Variants in SCAPER observed in about 807,000 individuals in gnomAD.
The protein encoded by SCAPER is S phase cyclin A-associated protein in the endoplasmic reticulum.
Under a neutral mutation model 182.2 loss-of-function variants are expected in SCAPER, and 98 were observed. The ratio of observed to expected loss-of-function variants is 0.54; its 90% CI spans 0.46 to 0.64. SCAPER has a LOEUF of 0.64. Ranked by LOEUF, SCAPER falls within the 30% of genes least tolerant of loss-of-function variation. The probability of loss-of-function intolerance (pLI) is 0.00; values close to 1 mark genes in which losing one functional copy is unlikely to be tolerated. For missense variants in SCAPER, 1,432 were observed against 1,690.0 expected (o/e 0.85, Z 2.68); for synonymous variants, 605 against 564.6 (o/e 1.07, Z -1.01).
At position 76,746,078 on chromosome 15, in the gene SCAPER, T is replaced by C. The variant is rs140434232; in HGVS notation, c.1866+7730A>G. Among the ~76,000 whole-genome samples the C allele has an allele frequency of 1.8e-3, 281 of 152,232 alleles. 1 individual carries two copies. The highest frequency in any genetic ancestry group is 4.8e-3 in the African/African-American group (199 of 41,558). On this transcript the variant is annotated intron_variant, in intron 15 of 31. Transcript: ENST00000563290. The stretch of plus-strand genomic sequence containing the variant: ...CAATTAATGTAATACACCAGATCAA[T>C]AGAACAGGGACAAAAAATATAGTGT...
intron 1 of SCAPER, among the ~76,000 whole-genome samples, chr15:76,893,821 G>T (rs2074284746): frequency 6.6e-6 from 1 of 151,908 alleles, no homozygotes; most frequent in Non-Finnish European, 1.5e-5. Context: ...ACAATCAATG[G>T]GTCATAGAAA....
chr15:76,614,884 G>T (rs1355830877), intron 22 of SCAPER, among the ~76,000 whole-genome samples: 1 of 152,278 alleles, frequency 6.6e-6, no homozygotes, highest in Non-Finnish European at 1.5e-5. Context: ...GATTGACTAT[G>T]AAAAGATACT....
At chr15:76,516,147 G>A (rs2042398148) in intron 23 of SCAPER, among the ~76,000 whole-genome samples, 1 of 151,432 alleles carries the variant, frequency 6.6e-6, no homozygotes, top group Admixed American at 6.6e-5. Flanking sequence ...TATTCTTAGG[G>A]AAAGTAGTGA....
intron 29 of SCAPER, among the ~76,000 whole-genome samples, chr15:76,359,981 C>CT (rs1177700682): frequency 1.3e-5 from 2 of 152,160 alleles, no homozygotes; most frequent in Admixed American, 1.3e-4. Context: ...GGATTGAAGG[C>CT]TTCAATGGTG....
intron 1 of SCAPER, among the ~76,000 whole-genome samples, chr15:76,890,399 A>C (rs1235241922): frequency 6.6e-6 from 1 of 152,208 alleles, no homozygotes; most frequent in African/African-American, 2.4e-5. Context: ...TGAAAAGATC[A>C]ACAAAATTGA....
At chr15:76,851,000 T>TA (rs2070701058) in intron 4 of SCAPER, among the ~76,000 whole-genome samples, 3 of 149,862 alleles carry the variant, frequency 2.0e-5, no homozygotes, top group South Asian at 4.2e-4. Context: ...ATACCCAGTA[T>TA]AAAAAAGAAC....
chr15:76,454,973 G>C (rs1182022403), intron 25 of SCAPER, among the ~76,000 whole-genome samples: 2 of 152,002 alleles, frequency 1.3e-5, no homozygotes, highest in Non-Finnish European at 2.9e-5. Flanking sequence ...ATTCGTTAAA[G>C]CTTTCAAATG....
intron 27 of SCAPER, among the ~76,000 whole-genome samples, chr15:76,401,579 C>G (rs560022254): frequency 5.1e-4 from 78 of 152,166 alleles, no homozygotes; most frequent in Admixed American, 1.3e-4. Flanking sequence ...TTTGACAGCT[C>G]TAGTCTAGCT....
At chr15:76,551,887 T>A (rs532590375) in intron 23 of SCAPER, among the ~76,000 whole-genome samples, 4 of 152,030 alleles carry the variant, frequency 2.6e-5, no homozygotes, top group Non-Finnish European at 1.5e-5. Flanking sequence ...CATGCCTACA[T>A]GTCTGTTGCT....
At chr15:76,491,377 A>ATAAACATTC (rs1860237065) in intron 24 of SCAPER, among the ~76,000 whole-genome samples, 2 of 152,240 alleles carry the variant, frequency 1.3e-5, no homozygotes, top group South Asian at 4.1e-4. Context: ...TAAAACATCC[A>ATAAACATTC]TAAACATTCA....
chr15:76,814,518 A>G (rs2066913506), intron 5 of SCAPER, among the ~76,000 whole-genome samples: 1 of 152,220 alleles, frequency 6.6e-6, no homozygotes, highest in South Asian at 2.1e-4. Flanking sequence ...CAATGAGAAA[A>G]GGATAAACTC....
At chr15:76,504,501 A>G (rs530963085) in intron 24 of SCAPER, among the ~76,000 whole-genome samples, 4 of 152,306 alleles carry the variant, frequency 2.6e-5, no homozygotes, top group Admixed American at 2.0e-4. Flanking sequence ...TTGCTAATGT[A>G]CTTACTCACC....
intron 9 of SCAPER, among the ~76,000 whole-genome samples, chr15:76,773,866 T>G (rs2063600838): frequency 6.6e-6 from 1 of 151,408 alleles, no homozygotes. Context: ...GTATGATATT[T>G]AAAAAAAAGC....
chr15:76,570,703 T>C (rs1380940890), intron 23 of SCAPER, among the ~76,000 whole-genome samples: 2 of 152,132 alleles, frequency 1.3e-5, no homozygotes, highest in African/African-American at 4.8e-5. Context: ...AGGCTTATCT[T>C]TTCCCTATGG....
intron 21 of SCAPER, among the ~76,000 whole-genome samples, chr15:76,633,137 T>C (rs1347926746): frequency 1.3e-5 from 2 of 152,110 alleles, no homozygotes; most frequent in African/African-American, 2.4e-5. Context: ...TTGTTGTTGC[T>C]CTTGCTTTCT....
chr15:76,386,465 C>T (rs1236467666), intron 27 of SCAPER, among the ~76,000 whole-genome samples: 1 of 152,128 alleles, frequency 6.6e-6, no homozygotes, highest in East Asian at 1.9e-4. Context: ...ATAAAGCTTA[C>T]ATTTTAGTGC....
intron 25 of SCAPER, among the ~76,000 whole-genome samples, chr15:76,447,504 C>T (rs1472127221): frequency 6.6e-6 from 1 of 152,026 alleles, no homozygotes; most frequent in African/African-American, 2.4e-5. Flanking sequence ...ATGATGCTAC[C>T]TTCAAGTAGT....
At chr15:76,388,514 GTA>G (rs2043437800) in intron 27 of SCAPER, among the ~76,000 whole-genome samples, 1 of 152,118 alleles carries the variant, frequency 6.6e-6, no homozygotes, top group Non-Finnish European at 1.5e-5. Context: ...GTTTGGTGTG[GTA>G]TGACTTCTTC....
intron 14 of SCAPER, among the ~76,000 whole-genome samples, chr15:76,757,571 G>A (rs2062525124): frequency 6.6e-6 from 1 of 151,840 alleles, no homozygotes; most frequent in Non-Finnish European, 1.5e-5. Context: ...AGTGAACATG[G>A]GTGCACAGGT....
Sources: gnomAD v4.1 joint callset for allele counts (sites outside exome capture counted in the v4.1 genomes callset) on GRCh38, gnomAD v4.1.1 for gene constraint, MANE v1.5 for transcripts, NCBI Gene and HGNC (gene_info 2026-07-23, HGNC 2026-07-21) for gene names.